The following KIFAP3 variants were observed in gnomAD, a reference collection of about 807,000 sequenced individuals.
KIFAP3 encodes the protein kinesin-associated protein 3.
A neutral mutation model predicts 106.5 loss-of-function variants in KIFAP3; 68 were observed. The observed-to-expected ratio is 0.64, with a 90% confidence interval of 0.53 to 0.78. KIFAP3 has a LOEUF of 0.78. Among genes scored for constraint, KIFAP3 ranks in the 30% least tolerant of loss-of-function variants. KIFAP3 has a pLI of 0.00. For missense variants in KIFAP3, 780 were observed against 941.8 expected, an observed-to-expected ratio of 0.83 and a Z score of 2.25; for synonymous variants, 320 against 311.5, an observed-to-expected ratio of 1.03 and a Z score of -0.29.
At chr1:170,010,024 T>C (rs1478845153) in intron 10 of KIFAP3, among the ~76,000 whole-genome samples, 1 of 152,102 alleles carries the variant, frequency 6.6e-6, no homozygotes, top group Non-Finnish European at 1.5e-5. Flanking sequence ...ATCTCCCAGA[T>C]GGTAGCATTA....
rs774614588 is a variant in KIFAP3, at chr1:170,016,514, C to T, written c.1131G>A (p.Leu377=). The change falls in exon 10 of 20, where the codon CTG becomes CTA. Residue 377 remains leucine (L), a synonymous_variant. Coordinates refer to ENST00000361580, the MANE Select transcript of KIFAP3 (RefSeq NM_014970.4). Reference sequence around the variant, plus strand: ...GTCCAACTTGTACCATCTTATTCCTCAGTCCTGTGTCAAAGGATAGGTTTA... The same window carrying T: ...GTCCAACTTGTACCATCTTATTCCTTAGTCCTGTGTCAAAGGATAGGTTTA... ...LLLNLSFDTG[L]RNKMVQVGLL... 1.2e-6 allele frequency: 2 copies of T among 1,610,008 alleles called. No homozygotes were observed. The highest frequency in any genetic ancestry group is 2.2e-5 in the East Asian group (1 of 44,454).
intron 10 of KIFAP3, among the ~76,000 whole-genome samples, chr1:170,006,841 T>C (rs1667990645): frequency 1.3e-5 from 2 of 152,152 alleles, no homozygotes; most frequent in South Asian, 2.1e-4. Flanking sequence ...ATTATTTCTA[T>C]TGCTATTTAG....
chr1:169,983,350 G>C lies in KIFAP3; in HGVS notation c.1426C>G (p.Leu476Val). The C allele has an allele frequency of 6.2e-7, 1 of 1,609,554 alleles. No individual in the cohort carries two copies. The highest frequency in any genetic ancestry group is 8.5e-7 in the Non-Finnish European group (1 of 1,177,644). ...ATCAGCAATGGATCCTTAAACTTCA[G>C]AGCCCTCTTCATGAGCATCTTCAGC... ...NGLKMLMKRA[L>V]KFKDPLLMKM... The change falls in exon 13 of 20, where the codon CTG becomes GTG. Residue 476 changes from leucine to valine, a missense_variant. Leu to Val is a conservative substitution (Grantham distance 32, BLOSUM62 1). Coordinates refer to ENST00000361580, the MANE Select transcript of KIFAP3 (RefSeq NM_014970.4).
In KIFAP3 at chr1:170,048,687, G is replaced by A. The variant is rs1040342472; in HGVS notation, c.165-1821C>T. Among the ~76,000 whole-genome samples, 4 of 151,712 alleles carry A rather than the reference G, an allele frequency of 2.6e-5. No homozygotes were observed. In the Middle Eastern group the frequency reaches 0.01, roughly 387 times the overall value. On this transcript the variant is annotated intron_variant, in intron 2 of 19. Transcript: ENST00000361580. Reference sequence around the variant, plus strand: ...AGGCAGTGGGTACAACCCATGGAGAGCAAGCAGAAGCGGGGTGGCGGGGGC... The same window carrying A: ...AGGCAGTGGGTACAACCCATGGAGAACAAGCAGAAGCGGGGTGGCGGGGGC...
intron 18 of KIFAP3, among the ~76,000 whole-genome samples, chr1:169,958,576 C>A (rs1665153852): frequency 6.6e-6 from 1 of 152,060 alleles, no homozygotes; most frequent in Non-Finnish European, 1.5e-5. Context: ...AGACACATCA[C>A]AGAAATACAT....
intron 11 of KIFAP3, among the ~76,000 whole-genome samples, chr1:169,990,591 T>C (rs921915542): frequency 1.3e-5 from 2 of 152,144 alleles, no homozygotes; most frequent in Non-Finnish European, 2.9e-5. Flanking sequence ...GTTACAATAA[T>C]CATAATTCAA....
At chr1:170,010,654 T>C (rs1432519976) in intron 10 of KIFAP3, among the ~76,000 whole-genome samples, 1 of 152,056 alleles carries the variant, frequency 6.6e-6, no homozygotes, top group East Asian at 1.9e-4. Flanking sequence ...AATGTACTAG[T>C]TAAATGTTTC....
intron 10 of KIFAP3, among the ~76,000 whole-genome samples, chr1:170,000,226 G>C (rs1310444523): frequency 6.6e-6 from 1 of 152,058 alleles, no homozygotes; most frequent in African/African-American, 2.4e-5. Context: ...AAAACAAAGT[G>C]AGAACACAAG....
chr1:170,021,528 C>T (rs1330688601), intron 9 of KIFAP3, among the ~76,000 whole-genome samples: 3 of 150,852 alleles, frequency 2.0e-5, no homozygotes, highest in Non-Finnish European at 3.0e-5. Context: ...CAACCTCCAC[C>T]TCCTGGGTTC....
At chr1:170,031,501 TTC>T (rs1489638627) in intron 8 of KIFAP3, among the ~76,000 whole-genome samples, 1 of 151,752 alleles carries the variant, frequency 6.6e-6, no homozygotes, top group Non-Finnish European at 1.5e-5. Flanking sequence ...AGGAATTCTT[TTC>T]TATTAAACAA....
In KIFAP3 at chr1:170,048,917, C is replaced by T. The variant is rs932011623; in HGVS notation, c.165-2051G>A. On this transcript the variant is annotated intron_variant, in intron 2 of 19. Coordinates refer to ENST00000361580, the MANE Select transcript of KIFAP3 (RefSeq NM_014970.4). The stretch of plus-strand genomic sequence containing the variant: ...ACTGGGTGGCTGTTTGGGCAGGCAC[C>T]GAGCTAGCTGCAGAAGTGTTTTTCT... Among the ~76,000 whole-genome samples, 6 of 152,108 alleles carry T rather than the reference C, an allele frequency of 3.9e-5. No individual in the cohort carries two copies. In the South Asian group the frequency reaches 8.3e-4, roughly 21 times the overall value.
At chr1:169,973,105 G>GTGTATATATATATATATATATA (rs145406203) in intron 16 of KIFAP3, among the ~76,000 whole-genome samples, 1,076 of 90,120 alleles carry the variant, frequency 0.012, 85 homozygotes, top group East Asian at 0.033. Context: ...AAAATAGTGT[G>GTGTATATATATATATATATATA]TATATATATA....
intron 3 of KIFAP3, chr1:170,042,006 G>C (rs902971236): frequency 4.4e-5 from 11 of 250,916 alleles, no homozygotes; most frequent in African/African-American, 1.9e-4. Context: ...TCCTGTTTGT[G>C]TGTGGGGAAC....
chr1:169,937,360 T>C (rs1663862678), intron 19 of KIFAP3, among the ~76,000 whole-genome samples: 2 of 151,726 alleles, frequency 1.3e-5, no homozygotes, highest in Non-Finnish European at 3.0e-5. Context: ...TCACCTGTCA[T>C]CACAGAAACT....
rs758509353 is a variant in KIFAP3, at chr1:169,998,037, GA to G, written c.1184-5783del. On this transcript the variant is annotated intron_variant, in intron 10 of 19. Coordinates refer to ENST00000361580, the MANE Select transcript of KIFAP3 (RefSeq NM_014970.4). ...TCATAGAGTTATAAATCCCTTAATG[GA>G]AAAAAAAAAAAACTTTAGTAAAGAA... Among the ~76,000 whole-genome samples the G allele has an allele frequency of 1.5e-3, 206 of 140,220 alleles. 1 individual carries two copies. Among genetic ancestry groups the G allele is most frequent in the African/African-American group, 3.6e-3 (139 of 38,474 alleles). 92.0% of individuals were successfully genotyped at this position (140,220 alleles called of 152,430 possible). A position where few individuals can be genotyped will look rare whatever the true frequency, so the allele number is the denominator to read the frequency against.
intron 1 of KIFAP3, among the ~76,000 whole-genome samples, chr1:170,057,174 A>G (rs902400194): frequency 5.3e-5 from 8 of 152,244 alleles, no homozygotes; most frequent in African/African-American, 1.9e-4. Flanking sequence ...GGAAGAAAAG[A>G]GTAAGGATAT....
chr1:170,000,755 G>A (rs1667624449), intron 10 of KIFAP3, among the ~76,000 whole-genome samples: 1 of 152,084 alleles, frequency 6.6e-6, no homozygotes, highest in African/African-American at 2.4e-5. Flanking sequence ...TACATTGGAT[G>A]ATCTCTTTTA....
chr1:169,979,861 A>C (rs1421147936), intron 15 of KIFAP3, among the ~76,000 whole-genome samples: 3 of 146,806 alleles, frequency 2.0e-5, no homozygotes, highest in African/African-American at 8.2e-5. Context: ...CCTCCCCCCC[A>C]CAAAAACCTA....
At chr1:170,034,239 A>C in intron 7 of KIFAP3, 133 bp downstream of exon 7, 1 of 758,262 alleles carries the variant, frequency 1.3e-6, no homozygotes, top group Non-Finnish European at 2.1e-6. Flanking sequence ...ACCTTCAATA[A>C]CACACTCCTG....
Sources: allele counts gnomAD v4.1 joint callset (sites outside exome capture counted in the v4.1 genomes callset), GRCh38; gene constraint gnomAD v4.1.1; transcripts MANE v1.5; gene names NCBI Gene and HGNC (gene_info 2026-07-23, HGNC 2026-07-21).